MEF2A: variants seen among roughly 807,000 people sequenced by gnomAD.
MEF2A encodes myocyte-specific enhancer factor 2A.
Under a neutral mutation model 55.8 loss-of-function variants are expected in MEF2A, and 28 were observed. The observed-to-expected ratio is 0.50, with a 90% CI of 0.37 to 0.69. The LOEUF (loss-of-function observed/expected upper bound fraction) is 0.69, where lower values mean the gene tolerates loss of function less well. Among genes scored for constraint, MEF2A ranks in the 30% least tolerant of loss-of-function variants. The pLI is 0.00. For missense variants in MEF2A, 528 were observed against 626.2 expected, an observed-to-expected ratio of 0.84 and a Z score of 1.67; for synonymous variants, 239 against 227.1, an observed-to-expected ratio of 1.05 and a Z score of -0.47.
rs536847772 is a variant in MEF2A at position 99,712,979 on chromosome 15, A to T, written c.*208A>T. 1.6e-5 allele frequency: 10 copies of T among 611,630 alleles called. No individual in the cohort carries two copies. In the East Asian group the frequency reaches 2.8e-4, roughly 17 times the overall value. The allele number at this position is 611,630 out of a possible 1,614,324, so 37.9% of individuals were successfully genotyped here. On this transcript the variant is annotated 3_prime_UTR_variant, in exon 12 of 12. Coordinates refer to ENST00000557942, the MANE Select transcript of MEF2A (RefSeq NM_001319206.4). This position sits in a 1 kb window ranked among gnomAD's most constrained non-coding sequence, Gnocchi z 4.1. Reference sequence around the variant, plus strand: ...AGGCACTTACCTGCAAACTCCTTGTAGGTCTGCAGATGTGTGTCCCATGGC... The same window carrying T: ...AGGCACTTACCTGCAAACTCCTTGTTGGTCTGCAGATGTGTGTCCCATGGC...
intron 1 of MEF2A, among the ~76,000 whole-genome samples, chr15:99,575,663 TC>T (rs1354610841): frequency 6.6e-6 from 1 of 152,226 alleles, no homozygotes; most frequent in Admixed American, 6.5e-5. Context: ...GAAAATTTCC[TC>T]CTCCAAACGC....
rs370539645 is a variant in MEF2A at position 99,567,627 on chromosome 15, CTGTGTGTG to C, written c.-225+1553_-225+1560del. On this transcript the variant is annotated intron_variant, in intron 1 of 11. Coordinates refer to ENST00000557942, the MANE Select transcript of MEF2A (RefSeq NM_001319206.4). ...TGTGCCTTTATGGCTTTTGTATGTA[CTGTGTGTG>C]TGTGTGTGTGTGTGTGTGTGTGTGT... 8.0e-4 allele frequency among the ~76,000 whole-genome samples: 115 copies of C among 143,870 alleles called. 1 individual carries two copies. Among genetic ancestry groups the C allele is most frequent in the African/African-American group, 2.4e-3 (94 of 39,062 alleles). 94.4% of individuals were successfully genotyped at this position (143,870 alleles called of 152,430 possible).
At position 99,662,002 on chromosome 15, in the gene MEF2A, T is replaced by TA. The variant is rs575894026; in HGVS notation, c.259-9319dup. Among the ~76,000 whole-genome samples the TA allele has an allele frequency of 3.6e-3, 546 of 152,294 alleles. 2 individuals carry two copies. The highest frequency in any genetic ancestry group is 6.5e-3 in the Non-Finnish European group (440 of 68,024). On this transcript the variant is annotated intron_variant, in intron 4 of 11. Coordinates refer to ENST00000557942, the MANE Select transcript of MEF2A (RefSeq NM_001319206.4). The stretch of plus-strand genomic sequence containing the variant: ...TATGGCGGAATCTCATAAACAGTGT[T>TA]AATGCTGAATAGTGTACTGTGTGTG...
At chr15:99,569,606 C>T (rs1359958349) in intron 1 of MEF2A, among the ~76,000 whole-genome samples, 1 of 152,076 alleles carries the variant, frequency 6.6e-6, no homozygotes, top group Non-Finnish European at 1.5e-5. Context: ...AAATAGTTTC[C>T]CAATCTTCAG....
intron 2 of MEF2A, among the ~76,000 whole-genome samples, chr15:99,604,348 G>C (rs1015702346): frequency 1.3e-5 from 2 of 151,804 alleles, no homozygotes; most frequent in African/African-American, 4.8e-5. Context: ...TTTTCTTTCT[G>C]TCTGTGCTTT....
intron 2 of MEF2A, among the ~76,000 whole-genome samples, chr15:99,606,525 A>C (rs1295344447): frequency 1.3e-5 from 2 of 152,200 alleles, no homozygotes; most frequent in African/African-American, 4.8e-5. Context: ...AAGCGCTTCT[A>C]CAAATCAATG....
At chr15:99,594,509 T>TTACA (rs35863554) in intron 1 of MEF2A, among the ~76,000 whole-genome samples, 5,910 of 149,492 alleles carry the variant, frequency 0.04, 413 homozygotes, top group African/African-American at 0.14. Flanking sequence ...GCATGATTGA[T>TTACA]TACATACATC....
At chr15:99,588,873 A>G (rs1968319306) in intron 1 of MEF2A, among the ~76,000 whole-genome samples, 1 of 151,940 alleles carries the variant, frequency 6.6e-6, no homozygotes, top group South Asian at 2.1e-4. Context: ...AATTACATTG[A>G]TTTTTGAATA....
intron 2 of MEF2A, among the ~76,000 whole-genome samples, chr15:99,624,654 GTCCCTTGAGATT>G (rs989500652): frequency 7.2e-5 from 11 of 152,216 alleles, no homozygotes; most frequent in African/African-American, 2.2e-4. Context: ...GCTATTTGGA[GTCCCTTGAGATT>G]TCATACGAGT....
chr15:99,596,657 G>A (rs1971277150), intron 1 of MEF2A, among the ~76,000 whole-genome samples: 1 of 152,164 alleles, frequency 6.6e-6, no homozygotes, highest in Non-Finnish European at 1.5e-5. Context: ...TGAATCACCG[G>A]ATCATGCAAT....
At chr15:99,597,289 GC>G (rs1205184646) in intron 1 of MEF2A, among the ~76,000 whole-genome samples, 1 of 152,052 alleles carries the variant, frequency 6.6e-6, no homozygotes, top group Non-Finnish European at 1.5e-5. Flanking sequence ...CTCTGAACTG[GC>G]CCCCCGGGTG....
chr15:99,595,098 G>A (rs905040448), intron 1 of MEF2A, among the ~76,000 whole-genome samples: 1 of 152,120 alleles, frequency 6.6e-6, no homozygotes, highest in Admixed American at 6.5e-5. Flanking sequence ...TTCTAATCCT[G>A]GCTTCACCAC....
chr15:99,576,788 C>T (rs1964427234), intron 1 of MEF2A, among the ~76,000 whole-genome samples: 1 of 151,956 alleles, frequency 6.6e-6, no homozygotes, highest in African/African-American at 2.4e-5. Context: ...CTACAGGCGC[C>T]TGCCACCGCG....
intron 4 of MEF2A, among the ~76,000 whole-genome samples, chr15:99,656,264 A>C (rs2047686314): frequency 6.6e-6 from 1 of 152,122 alleles, no homozygotes; most frequent in Non-Finnish European, 1.5e-5. Flanking sequence ...CCCATCCTCC[A>C]CATCTACTAA....
chr15:99,698,933 C>T (rs996992111), intron 8 of MEF2A, among the ~76,000 whole-genome samples: 1 of 151,808 alleles, frequency 6.6e-6, no homozygotes, highest in African/African-American at 2.4e-5. Context: ...TATACACTTG[C>T]TGGCCAGGCA....
intron 1 of MEF2A, among the ~76,000 whole-genome samples, chr15:99,567,627 CTGTGTG>C (rs370539645): frequency 3.1e-4 from 44 of 143,870 alleles, no homozygotes; most frequent in South Asian, 6.8e-4. Flanking sequence ...TTTGTATGTA[CTGTGTG>C]TGTGTGTGTG....
At chr15:99,620,536 G>T (rs531533346) in intron 2 of MEF2A, among the ~76,000 whole-genome samples, 4 of 152,226 alleles carry the variant, frequency 2.6e-5, no homozygotes, top group African/African-American at 9.6e-5. Context: ...TTTTATGACT[G>T]TGTAGTGTTC....
intron 7 of MEF2A, among the ~76,000 whole-genome samples, chr15:99,683,068 G>A (rs2053534544): frequency 6.6e-6 from 1 of 152,126 alleles, no homozygotes; most frequent in African/African-American, 2.4e-5. Context: ...GTCTGGCTTA[G>A]CGGTTACCTC....
At chr15:99,711,456 C>T (rs972748487) in intron 11 of MEF2A, among the ~76,000 whole-genome samples, 8 of 152,198 alleles carry the variant, frequency 5.3e-5, no homozygotes, top group Non-Finnish European at 1.2e-4. Context: ...ACATCCCTGA[C>T]AGCCGGGAGA....
Sources: gnomAD v4.1 joint callset for allele counts (sites outside exome capture counted in the v4.1 genomes callset) on GRCh38, gnomAD v4.1.1 for gene constraint, Gnocchi (gnomAD v3.1) non-coding constraint, MANE v1.5 for transcripts, NCBI Gene and HGNC (gene_info 2026-07-23, HGNC 2026-07-21) for gene names.